The following FECH variants were observed in gnomAD, a reference collection of about 807,000 sequenced individuals.
FECH encodes ferrochelatase, mitochondrial.
FECH carries 40 observed loss-of-function variants against 56.9 expected under a neutral mutation model. The ratio of observed to expected loss-of-function variants is 0.70; its 90% CI spans 0.55 to 0.92. The LOEUF (loss-of-function observed/expected upper bound fraction) is 0.92. Ranked by LOEUF, FECH falls within the 40% of genes least tolerant of loss-of-function variation. The pLI is 0.00. For synonymous variants in FECH, 175 were observed against 198.6 expected, an observed-to-expected ratio of 0.88 and a Z score of 1.00; for missense variants, 431 against 529.1, an observed-to-expected ratio of 0.81 and a Z score of 1.82.
chr18:57,557,397 A>G (rs1434625384), intron 7 of FECH, among the ~76,000 whole-genome samples: 1 of 152,192 alleles, frequency 6.6e-6, no homozygotes, highest in Non-Finnish European at 1.5e-5. Flanking sequence ...CGGTCCCACA[A>G]GGACGCTCCA....
chr18:57,559,795 A>AGGTG (rs530003881), intron 6 of FECH, among the ~76,000 whole-genome samples: 29 of 152,210 alleles, frequency 1.9e-4, no homozygotes, highest in Non-Finnish European at 4.1e-4. Context: ...AACAGATGAC[A>AGGTG]GGTGATACAC....
In FECH at chr18:57,546,686, G is replaced by T. The variant is rs943552588; in HGVS notation, c.*4026C>A. 3.3e-5 allele frequency among the ~76,000 whole-genome samples: 5 copies of T among 152,140 alleles called. No individual in the cohort carries two copies. The highest frequency in any genetic ancestry group is 2.1e-4 in the South Asian group (1 of 4,818). On this transcript the variant is annotated 3_prime_UTR_variant, in exon 11 of 11. Coordinates refer to ENST00000262093, the MANE Select transcript of FECH (RefSeq NM_000140.5). Reference sequence around the variant, plus strand: ...TTTAAGATTTATTGAGTAGGCCGGGGATGGTGGCTCACGCCTGTAATCCCA... The same window carrying T: ...TTTAAGATTTATTGAGTAGGCCGGGTATGGTGGCTCACGCCTGTAATCCCA...
chr18:57,582,136 G>A (rs1048936289), intron 1 of FECH, among the ~76,000 whole-genome samples: 1 of 152,142 alleles, frequency 6.6e-6, no homozygotes, highest in Non-Finnish European at 1.5e-5. Flanking sequence ...AATTCCTTAT[G>A]AGTGAGATTG....
intron 9 of FECH, among the ~76,000 whole-genome samples, chr18:57,553,464 T>A (rs1299016165): frequency 3.3e-5 from 5 of 152,150 alleles, no homozygotes; most frequent in African/African-American, 1.2e-4. Flanking sequence ...CCATCTATCA[T>A]ACTTGGGGTG....
chr18:57,574,789 A>G (rs1271798685), intron 2 of FECH, among the ~76,000 whole-genome samples: 2 of 152,248 alleles, frequency 1.3e-5, no homozygotes, highest in Non-Finnish European at 2.9e-5. Context: ...ATCAAGGAGC[A>G]TTTCTTCCAT....
rs955738438 is a variant in FECH at position 57,546,615 on chromosome 18, G to A, written c.*4097C>T. ...AGATTAGCCCACCTCTTGCATCAGC[G>A]TGACCTGGAGGTGAGACATGGAGTC... On this transcript the variant is annotated 3_prime_UTR_variant, in exon 11 of 11. Transcript: ENST00000262093. Among the ~76,000 whole-genome samples, 8 of 152,196 alleles carry A rather than the reference G, an allele frequency of 5.3e-5. No individual in the cohort carries two copies. The highest frequency in any genetic ancestry group is 1.7e-4 in the African/African-American group (7 of 41,448).
rs1156374069 is a variant in FECH at position 57,547,138 on chromosome 18, A to C, written c.*3574T>G. Among the ~76,000 whole-genome samples, 5 of 152,034 alleles carry C rather than the reference A, an allele frequency of 3.3e-5. No homozygotes were observed. Among genetic ancestry groups the C allele is most frequent in the Non-Finnish European group, 2.9e-5 (2 of 68,008 alleles). On this transcript the variant is annotated 3_prime_UTR_variant, in exon 11 of 11. Coordinates refer to ENST00000262093, the MANE Select transcript of FECH (RefSeq NM_000140.5). ...TCTTGGAAGTCACTAACTTGCTTTT[A>C]ATGTTACAGGCTCACAGGCAGAAGG...
chr18:57,572,588 T>TGGG (rs34172858), intron 3 of FECH, among the ~76,000 whole-genome samples: 101 of 63,098 alleles, frequency 1.6e-3, no homozygotes, highest in East Asian at 3.6e-3. Context: ...TGTAACGAAG[T>TGGG]GGGGGGGGGG....
At position 57,550,677 on chromosome 18, in the gene FECH, C is replaced by T. The variant is rs2050785292; in HGVS notation, c.*35G>A. On this transcript the variant is annotated 3_prime_UTR_variant, in exon 11 of 11. Transcript: ENST00000262093. ...ACATCGGAGGTATCTGGAGGTTGGGCATTTGCCTAACGCCACGGGGTCCAC... is the reference window on the plus strand; with the variant it reads ...ACATCGGAGGTATCTGGAGGTTGGGTATTTGCCTAACGCCACGGGGTCCAC... 1.2e-6 allele frequency: 2 copies of T among 1,613,762 alleles called. No homozygotes were observed. Among genetic ancestry groups the T allele is most frequent in the Non-Finnish European group, 1.7e-6 (2 of 1,179,884 alleles).
At chr18:57,573,102 C>T in intron 3 of FECH, 144 bp downstream of exon 3, 2 of 857,860 alleles carry the variant, frequency 2.3e-6, no homozygotes, top group Non-Finnish European at 3.8e-6. Context: ...TCATATCCTT[C>T]TGATATCCAA....
intron 6 of FECH, among the ~76,000 whole-genome samples, chr18:57,560,582 T>C (rs1039220929): frequency 2.0e-5 from 3 of 152,144 alleles, no homozygotes; most frequent in African/African-American, 7.2e-5. Flanking sequence ...GCCCAGAAGG[T>C]TAAGGTTGCA....
chr18:57,579,283 G>A (rs201156302), intron 2 of FECH, among the ~76,000 whole-genome samples: 10,399 of 80,006 alleles, frequency 0.13, 420 homozygotes, highest in Non-Finnish European at 0.16. Context: ...ATGTGTGTGT[G>A]TATATATGTG....
intron 5 of FECH, among the ~76,000 whole-genome samples, chr18:57,566,054 G>A (rs1369046806): frequency 2.6e-5 from 4 of 152,124 alleles, no homozygotes; most frequent in Non-Finnish European, 5.9e-5. Flanking sequence ...ATGTTGTATG[G>A]GCATCTTTGC....
chr18:57,566,238 G>GT (rs1247398006), intron 5 of FECH, among the ~76,000 whole-genome samples: 1 of 152,164 alleles, frequency 6.6e-6, no homozygotes, highest in Non-Finnish European at 1.5e-5. Flanking sequence ...CACACCATTT[G>GT]TAATTACCAG....
chr18:57,571,500 T>C lies in FECH; in HGVS notation c.355A>G (p.Ile119Val). 2 of 1,614,078 alleles carry C rather than the reference T, an allele frequency of 1.2e-6. No homozygotes were observed. The highest frequency in any genetic ancestry group is 1.7e-5 in the Admixed American group (1 of 60,010). The change falls in exon 4 of 11, where the codon ATT (isoleucine) becomes GTT (valine). Residue 119 changes from isoleucine (I) to valine (V), a missense_variant. Coordinates refer to ENST00000262093, the MANE Select transcript of FECH (RefSeq NM_000140.5). ...CCAATCCTGCGGTACTGCTCTTGAATCTTGGGGGTTCGGCGTTTGGCGATG... is the reference window on the plus strand; with the variant it reads ...CCAATCCTGCGGTACTGCTCTTGAACCTTGGGGGTTCGGCGTTTGGCGATG... Reference protein sequence around the residue: ...PFIAKRRTPKIQEQYRRIGGG... With the variant: ...PFIAKRRTPKVQEQYRRIGGG...
intron 2 of FECH, among the ~76,000 whole-genome samples, chr18:57,574,373 T>C (rs1304983242): frequency 6.6e-6 from 1 of 152,200 alleles, no homozygotes; most frequent in Non-Finnish European, 1.5e-5. Flanking sequence ...TATGATAAAC[T>C]TCTCCTCTCC....
rs1254896300 is a variant in FECH at position 57,562,890 on chromosome 18, T to C, written c.689A>G (p.His230Arg). Residue 230 changes from histidine to arginine, a missense_variant, in exon 6 of 11, where the codon CAT becomes CGT. Physicochemically the swap from His to Arg is conservative, Grantham distance 29. Coordinates refer to ENST00000262093, the MANE Select transcript of FECH (RefSeq NM_000140.5). ...CTGGCTTACCTGGATGAGGAGGTGA[T>C]GTGTGGGCCACCTGTCAATAGTGCT... is the stretch of plus-strand genomic sequence containing the variant. ...KWSTIDRWPT[H>R]HLLIQCFADH... The C allele has an allele frequency of 6.2e-7, 1 of 1,614,010 alleles. No individual in the cohort carries two copies. Among genetic ancestry groups the C allele is most frequent in the Non-Finnish European group, 8.5e-7 (1 of 1,179,912 alleles).
chr18:57,551,446 T>A, intron 9 of FECH, 72 bp from the exon 10 acceptor site: 1 of 1,171,188 alleles, frequency 8.5e-7, no homozygotes, highest in South Asian at 1.3e-5. Flanking sequence ...AAGAAACTGC[T>A]ACAAAAAAAT....
intron 1 of FECH, 115 bp from the exon 2 acceptor site, chr18:57,580,314 T>C: frequency 7.3e-7 from 1 of 1,368,622 alleles, no homozygotes; most frequent in South Asian, 1.2e-5. Flanking sequence ...ATGGCAGAAA[T>C]GATTTTCCTA....
Sources: gnomAD v4.1 joint callset for allele counts (sites outside exome capture counted in the v4.1 genomes callset) on GRCh38, gnomAD v4.1.1 for gene constraint, MANE v1.5 for transcripts, NCBI Gene and HGNC (gene_info 2026-07-23, HGNC 2026-07-21) for gene names.